The following TTN variants were observed in gnomAD, a reference collection of about 807,000 sequenced individuals.
TTN encodes connectin.
In TTN, 1,525 loss-of-function variants were observed where a neutral mutation model predicts 3,223.0. The observed-to-expected ratio is 0.47, with a 90% CI of 0.45 to 0.49. TTN has a LOEUF of 0.49. Among genes scored for constraint, TTN ranks in the 20% least tolerant of loss-of-function variants. The pLI, the probability that TTN is intolerant of heterozygous loss-of-function variation, is 0.00. For synonymous variants in TTN, 14,094 were observed against 15,161.0 expected (o/e 0.93, Z 5.17); for missense variants, 40,786 against 43,424.0 (o/e 0.94, Z 5.40).
At position 178,770,136 on chromosome 2, in the gene TTN, G is replaced by A. The variant is rs878854338; in HGVS notation, c.8565C>T (p.Asn2855=). The A allele has an allele frequency of 6.2e-7, 1 of 1,614,132 alleles. No homozygotes were observed. The highest frequency in any genetic ancestry group is 1.6e-4 in the Middle Eastern group (1 of 6,062). Residue 2855 remains asparagine, a synonymous_variant, in exon 36 of 363, where the codon AAC becomes AAT. Transcript: ENST00000589042. The part of the protein sequence containing the change: ...ERKVHKLMLQ[N]ISPSDAGEYT... ...ATTCCCCAGCATCTGAGGGGGAGAT[G>A]TTCTGCAGCATCAGCTTGTGGACTT...
At chr2:178,556,781 C>A (rs1701682561) in intron 330 of TTN, 67 bp downstream of exon 330, 2 of 1,560,598 alleles carry the variant, frequency 1.3e-6, no homozygotes, top group East Asian at 2.3e-5. Flanking sequence ...GGATTAGAAC[C>A]AGGAAAAGGT....
In TTN at chr2:178,726,372, T is replaced by A. The variant is rs374127010; in HGVS notation, c.20276-326A>T. ...GCAAGTATAGCAATAAATAATGATT[T>A]GCATGAAGTATGGAATTCTAATTTC... On this transcript the variant is annotated intron_variant, in intron 69 of 362. Coordinates refer to ENST00000589042, the MANE Select transcript of TTN (RefSeq NM_001267550.2). 62 of 194,958 alleles carry A rather than the reference T, an allele frequency of 3.2e-4. No homozygotes were observed. The East Asian group carries it at 6.9e-3, about 22-fold the overall frequency. 12.1% of individuals were successfully genotyped at this position (194,958 alleles called of 1,614,324 possible).
chr2:178,742,933 G>A (rs1275250999), intron 47 of TTN: 1 of 151,982 alleles, frequency 6.6e-6, no homozygotes, highest in Admixed American at 6.6e-5. Context: ...TAAAAATACT[G>A]GAGAAACTCA....
intron 218 of TTN, among the ~76,000 whole-genome samples, chr2:178,643,249 A>T (rs1046644300): frequency 2.0e-5 from 3 of 152,026 alleles, no homozygotes; most frequent in African/African-American, 7.2e-5. Context: ...GCTTTAAACA[A>T]GATATTTGCA....
Position 178,534,308 on chromosome 2 carries a change from T to G in TTN, c.102307A>C (p.Asn34103His). The G allele has an allele frequency of 1.2e-6, 2 of 1,613,710 alleles. No homozygotes were observed. Among genetic ancestry groups the G allele is most frequent in the Non-Finnish European group, 1.7e-6 (2 of 1,179,824 alleles). ...ATCCGGGCTGCTGACACAACCATGT[T>G]GAGGTCTTTCTTGATCAGGGTGTGG... ...YYHTLIKKDL[N>H]MVVSAARISC... Residue 34103 changes from asparagine to histidine, a missense_variant, in exon 358 of 363, where the codon AAC becomes CAC. Asn to His is a moderately conservative substitution (Grantham distance 68). Transcript: ENST00000589042.
chr2:178,734,186 T>C, intron 52 of TTN, 142 bp downstream of exon 52: 1 of 1,030,598 alleles, frequency 9.7e-7, no homozygotes, highest in Non-Finnish European at 1.3e-6. Flanking sequence ...TTACTGACTT[T>C]GTTCCCAAGG....
chr2:178,591,701 G>T lies in TTN; in HGVS notation c.60118C>A (p.Leu20040Ile), dbSNP rs1209430010. Residue 20040 changes from leucine (L) to isoleucine (I), a missense_variant, in exon 303 of 363, where the codon CTA becomes ATA. By Grantham distance (5) the Leu-to-Ile change is conservative (BLOSUM62 2). Coordinates refer to ENST00000589042, the MANE Select transcript of TTN (RefSeq NM_001267550.2). Reference protein sequence around the residue: ...VTNLECVVTGLQQGKTYRFRV... With the variant: ...VTNLECVVTGIQQGKTYRFRV... ...AATCTATAGGTCTTTCCTTGTTGTA[G>T]TCCAGTAACCACACACTCTAAGTTT... The T allele has an allele frequency of 6.2e-7, 1 of 1,613,318 alleles. No individual in the cohort carries two copies. Among genetic ancestry groups the T allele is most frequent in the Middle Eastern group, 1.7e-4 (1 of 6,054 alleles).
chr2:178,599,041 T>G lies in TTN; in HGVS notation c.56669A>C (p.Lys18890Thr), dbSNP rs2052566882. The change falls in exon 291 of 363, where the codon AAA (lysine) becomes ACA (threonine). Residue 18890 changes from lysine to threonine, a missense_variant. Physicochemically the swap from Lys to Thr is moderately conservative, Grantham distance 78. Transcript: ENST00000589042. ...NLFSVPGAPDKPTVSSVTRNS... is the reference protein window; with the variant it reads ...NLFSVPGAPDTPTVSSVTRNS... ...ACGAGTCACGCTGCTAACTGTTGGT[T>G]TATCTGGTGCTCCAGGGACAGCTGT... is the stretch of plus-strand genomic sequence containing the variant. 5.1e-6 allele frequency: 8 copies of G among 1,574,904 alleles called. No individual in the cohort carries two copies. Among genetic ancestry groups the G allele is most frequent in the African/African-American group, 1.4e-5 (1 of 73,304 alleles).
intron 316 of TTN, 28 bp from the exon 317 acceptor site, chr2:178,580,637 AT>A: frequency 2.5e-6 from 4 of 1,579,786 alleles, no homozygotes; most frequent in Non-Finnish European, 3.4e-6. Context: ...AAGAAGTTAA[AT>A]AAAAATTTAA....
At position 178,723,892 on chromosome 2, in the gene TTN, C is replaced by T. The variant is rs377229283; in HGVS notation, c.21367G>A (p.Gly7123Arg). ...NYTCVAANVA[G>R]SDECRAVLTV... ...AGCACTGCACGACATTCATCAGACCCAGCGACATTAGCAGCCACGCATGTG... is the reference window on the plus strand; with the variant it reads ...AGCACTGCACGACATTCATCAGACCTAGCGACATTAGCAGCCACGCATGTG... Residue 7123 changes from glycine to arginine, a missense_variant, in exon 73 of 363, where the codon GGG becomes AGG. By Grantham distance (125) the Gly-to-Arg change is moderately radical (BLOSUM62 -2). Coordinates refer to ENST00000589042, the MANE Select transcript of TTN (RefSeq NM_001267550.2). 1.1e-5 allele frequency: 18 copies of T among 1,612,966 alleles called. No homozygotes were observed. Among genetic ancestry groups the T allele is most frequent in the Non-Finnish European group, 1.2e-5 (14 of 1,179,288 alleles).
In TTN at chr2:178,567,747, C is replaced by A. The variant is rs199814673; in HGVS notation, c.78385G>T (p.Asp26129Tyr). ...TTCATCCAACGACCATCAGGCAAAT[C>A]ACGTTTCTCTACAATGTAGCCTGTA... ...MITGYIVEKR[D>Y]LPDGRWMKAS... Residue 26129 changes from aspartate to tyrosine, a missense_variant, in exon 326 of 363, where the codon GAT becomes TAT. Coordinates refer to ENST00000589042, the MANE Select transcript of TTN (RefSeq NM_001267550.2). 65 of 1,612,862 alleles carry A rather than the reference C, an allele frequency of 4.0e-5. No individual in the cohort carries two copies. Among genetic ancestry groups the A allele is most frequent in the Non-Finnish European group, 4.1e-5 (48 of 1,179,224 alleles).
In TTN at chr2:178,611,966, A is replaced by T; in HGVS notation, c.50355-12T>A. ...TCTCAATGACATATCTATTGAAACA[A>T]CAAAGCATTTCATTAGCATTAATGA... On this transcript the variant is annotated splice_polypyrimidine_tract_variant and intron_variant, in intron 267 of 362. Coordinates refer to ENST00000589042, the MANE Select transcript of TTN (RefSeq NM_001267550.2). The T allele has an allele frequency of 6.2e-7, 1 of 1,608,466 alleles. No homozygotes were observed. Among genetic ancestry groups the T allele is most frequent in the East Asian group, 2.2e-5 (1 of 44,512 alleles).
rs763989757 is a variant in TTN at position 178,563,456 on chromosome 2, G to C, written c.82676C>G (p.Ser27559Cys). ...GGCATCACACGCACGGTAGAAAACA[G>C]ATGGCTCACTAGGTTCTCCCACACC... ...AAGVGEPSEP[S>C]VFYRACDALY... is the part of the protein sequence containing the mutation. The change falls in exon 326 of 363, where the codon TCT becomes TGT. Residue 27559 changes from serine to cysteine, a missense_variant. Transcript: ENST00000589042. This position sits in a 1 kb window ranked among gnomAD's most constrained non-coding sequence, Gnocchi z 4.5. The C allele has an allele frequency of 2.5e-6, 4 of 1,613,502 alleles. No individual in the cohort carries two copies. The highest frequency in any genetic ancestry group is 3.4e-6 in the Non-Finnish European group (4 of 1,179,730).
In TTN at chr2:178,621,465, GT is replaced by G. The variant is rs765849285; in HGVS notation, c.45349+9del. On this transcript the variant is annotated intron_variant, in intron 245 of 362. Coordinates refer to ENST00000589042, the MANE Select transcript of TTN (RefSeq NM_001267550.2). ...TAGAAATAAAAGATTATTCACTGTAGTTTTCATACCATGTACTTTGACTTTG... is the reference window on the plus strand; with the variant it reads ...TAGAAATAAAAGATTATTCACTGTAGTTTCATACCATGTACTTTGACTTTG... 6.2e-7 allele frequency: 1 copy of G among 1,611,682 alleles called. No homozygotes were observed. Among genetic ancestry groups the G allele is most frequent in the Non-Finnish European group, 8.5e-7 (1 of 1,178,896 alleles).
chr2:178,580,106 C>G lies in TTN; in HGVS notation c.67181G>C (p.Arg22394Pro). The G allele has an allele frequency of 6.2e-7, 1 of 1,613,368 alleles. No individual in the cohort carries two copies. The highest frequency in any genetic ancestry group is 8.5e-7 in the Non-Finnish European group (1 of 1,179,486). Reference sequence around the variant, plus strand: ...AGACCAGGATTTCCTCTCTGCATCACGTTTTTGTACCACATAGTTTATGAT... The same window carrying G: ...AGACCAGGATTTCCTCTCTGCATCAGGTTTTTGTACCACATAGTTTATGAT... ...SPIINYVVQK[R>P]DAERKSWSTV... The change falls in exon 318 of 363, where the codon CGT (arginine) becomes CCT (proline). Residue 22394 changes from arginine (R) to proline (P), a missense_variant. By Grantham distance (103) the Arg-to-Pro change is moderately radical. Transcript: ENST00000589042.
chr2:178,580,727 A>G, intron 316 of TTN, 118 bp from the exon 317 acceptor site: 1 of 1,004,178 alleles, frequency 1.0e-6, no homozygotes, highest in Non-Finnish European at 1.4e-6. Context: ...CTTGTTCTTT[A>G]AAACTTCCTT....
chr2:178,580,426 A>G lies in TTN; in HGVS notation c.66953T>C (p.Phe22318Ser). The change falls in exon 317 of 363, where the codon TTC becomes TCC. Residue 22318 changes from phenylalanine (F) to serine (S), a missense_variant. Transcript: ENST00000589042. The part of the protein sequence containing the change: ...LDIKSTDFDT[F>S]LRCENVNKYD... ...TTTGTTCACATTTTCACAGCGCAAG[A>G]AAGTGTCAAAGTCAGTTGACTTTAT... 3 of 1,613,268 alleles carry G rather than the reference A, an allele frequency of 1.9e-6. No individual in the cohort carries two copies. Among genetic ancestry groups the G allele is most frequent in the Non-Finnish European group, 2.5e-6 (3 of 1,179,480 alleles).
At position 178,720,393 on chromosome 2, in the gene TTN, T is replaced by G. The variant is rs756098759; in HGVS notation, c.23369A>C (p.Lys7790Thr). 6.2e-7 allele frequency: 1 copy of G among 1,611,386 alleles called. No homozygotes were observed. Among genetic ancestry groups the G allele is most frequent in the Non-Finnish European group, 8.5e-7 (1 of 1,178,480 alleles). The change falls in exon 80 of 363, where the codon AAG becomes ACG. Residue 7790 changes from lysine to threonine, a missense_variant. Coordinates refer to ENST00000589042, the MANE Select transcript of TTN (RefSeq NM_001267550.2). Reference sequence around the variant, plus strand: ...TGTCCATGTATACAAACCTTTGAACTTGACAGAGCAAGAACACGTGTCACT... The same window carrying G: ...TGTCCATGTATACAAACCTTTGAACGTGACAGAGCAAGAACACGTGTCACT... ...VGSDTCSCSVKFKEPPRFVKK... is the reference protein window; with the variant it reads ...VGSDTCSCSVTFKEPPRFVKK...
Position 178,634,530 on chromosome 2 carries a change from A to G in TTN, c.42251T>C (p.Ile14084Thr), listed in dbSNP as rs757636133. Residue 14084 changes from isoleucine (I) to threonine (T), a missense_variant, in exon 230 of 363, where the codon ATA becomes ACA. Transcript: ENST00000589042. This position sits in a 1 kb window ranked among gnomAD's most constrained non-coding sequence, Gnocchi z 4.6. ...ECVLTREANV[I>T]WSKGPDIIKS... Reference sequence around the variant, plus strand: ...AATTATATCAGGTCCTTTGGACCATATAACATTTGCCTCTCGGGTGAGGAC... The same window carrying G: ...AATTATATCAGGTCCTTTGGACCATGTAACATTTGCCTCTCGGGTGAGGAC... The G allele has an allele frequency of 6.2e-7, 1 of 1,613,408 alleles. No individual in the cohort carries two copies. Among genetic ancestry groups the G allele is most frequent in the South Asian group, 1.1e-5 (1 of 91,064 alleles).
Sources: gnomAD v4.1 joint callset for allele counts (sites outside exome capture counted in the v4.1 genomes callset) on GRCh38, gnomAD v4.1.1 for gene constraint, Gnocchi (gnomAD v3.1) non-coding constraint, MANE v1.5 for transcripts, NCBI Gene and HGNC (gene_info 2026-07-23, HGNC 2026-07-21) for gene names.